The following EHMT1 variants were observed in gnomAD, a reference collection of about 807,000 sequenced individuals.
EHMT1 encodes histone-lysine N-methyltransferase EHMT1.
EHMT1 carries 15 observed loss-of-function variants against 147.2 expected under a neutral mutation model. The ratio of observed to expected loss-of-function variants is 0.10; its 90% CI spans 0.07 to 0.16. The LOEUF is 0.16. EHMT1 is among the 10% of genes least tolerant of loss of function. The probability of loss-of-function intolerance (pLI) is 1.00; values close to 1 mark genes in which losing one functional copy is unlikely to be tolerated. For missense variants in EHMT1, 1,587 were observed against 1,772.4 expected (o/e 0.90, Z 1.88); for synonymous variants, 795 against 709.6 (o/e 1.12, Z -1.91).
intron 2 of EHMT1, among the ~76,000 whole-genome samples, chr9:137,711,461 C>T (rs1010710399): frequency 5.9e-5 from 9 of 152,132 alleles, no homozygotes; most frequent in East Asian, 3.9e-4. Flanking sequence ...TGACTGACGC[C>T]GCGCCATGGA....
chr9:137,754,241 C>T lies in EHMT1; in HGVS notation c.1319C>T (p.Pro440Leu), dbSNP rs146814571. 6.8e-6 allele frequency: 11 copies of T among 1,613,980 alleles called. No individual in the cohort carries two copies. The highest frequency in any genetic ancestry group is 4.0e-5 in the African/African-American group (3 of 74,886). Residue 440 changes from proline (P) to leucine (L), a missense_variant, in exon 8 of 27, where the codon CCA becomes CTA. Transcript: ENST00000460843. ...AAGACCGACAGTCCCTGGATCAAGC[C>T]AGCCAGGAAAAGGAGGCGGAGAAGT... ...KGKTDSPWIKPARKRRRRSRK... is the reference protein window; with the variant it reads ...KGKTDSPWIKLARKRRRRSRK...
Position 137,754,770 on chromosome 9 carries a change from G to T in EHMT1, c.1369+479G>T, listed in dbSNP as rs191063018. On this transcript the variant is annotated intron_variant, in intron 8 of 26. Coordinates refer to ENST00000460843, the MANE Select transcript of EHMT1 (RefSeq NM_024757.5). ...GAGCTCAAGCGATCTGCCCGTTTTGGCCTCCCAAAGTGCTGGGATTACAGG... is the reference window on the plus strand; with the variant it reads ...GAGCTCAAGCGATCTGCCCGTTTTGTCCTCCCAAAGTGCTGGGATTACAGG... Among the ~76,000 whole-genome samples the T allele has an allele frequency of 4.6e-5, 7 of 152,296 alleles. No individual in the cohort carries two copies. In the East Asian group the frequency reaches 1.3e-3, roughly 29 times the overall value.
chr9:137,790,713 A>G, intron 15 of EHMT1, 135 bp from the exon 16 acceptor site: 1 of 1,223,090 alleles, frequency 8.2e-7, no homozygotes, highest in Non-Finnish European at 1.2e-6. Flanking sequence ...ATACGTGTTT[A>G]GAAAACTCAG....
intron 3 of EHMT1, among the ~76,000 whole-genome samples, chr9:137,722,905 C>T (rs1057468470): frequency 4.7e-5 from 7 of 149,778 alleles, no homozygotes; most frequent in Admixed American, 4.6e-4. Flanking sequence ...GTCTGTGGTT[C>T]TGGGCCTGAG....
chr9:137,654,057 T>C (rs12350209), intron 1 of EHMT1, among the ~76,000 whole-genome samples: 5,960 of 152,320 alleles, frequency 0.039, 400 homozygotes, highest in African/African-American at 0.13. Context: ...TCTCCTTTTA[T>C]TGAATAGTCT....
At chr9:137,739,024 C>T (rs961888514) in intron 4 of EHMT1, among the ~76,000 whole-genome samples, 1 of 150,950 alleles carries the variant, frequency 6.6e-6, no homozygotes, top group African/African-American at 2.4e-5. Context: ...GAACCGTGCA[C>T]TTAAAGATGA....
intron 1 of EHMT1, among the ~76,000 whole-genome samples, chr9:137,641,935 G>A (rs933381364): frequency 2.6e-5 from 4 of 151,992 alleles, no homozygotes; most frequent in African/African-American, 9.7e-5. Context: ...CAACTCCATG[G>A]TTCAAGCTGT....
chr9:137,675,942 C>A (rs1195547438), intron 1 of EHMT1, among the ~76,000 whole-genome samples: 3 of 151,080 alleles, frequency 2.0e-5, no homozygotes, highest in Non-Finnish European at 4.4e-5. Flanking sequence ...CGCCACTACG[C>A]CCGGCTAATT....
At chr9:137,669,194 A>C (rs1940104246) in intron 1 of EHMT1, among the ~76,000 whole-genome samples, 1 of 152,072 alleles carries the variant, frequency 6.6e-6, no homozygotes, top group Non-Finnish European at 1.5e-5. Flanking sequence ...GCCTAGAAGT[A>C]GGTTCTTGAT....
rs73578864 is a variant in EHMT1, at chr9:137,813,908, C to G, written c.3180+378C>G. Among the ~76,000 whole-genome samples the G allele has an allele frequency of 6.6e-6, 1 of 152,052 alleles. No homozygotes were observed. Among genetic ancestry groups the G allele is most frequent in the Non-Finnish European group, 1.5e-5 (1 of 68,016 alleles). On this transcript the variant is annotated intron_variant, in intron 21 of 26. Coordinates refer to ENST00000460843, the MANE Select transcript of EHMT1 (RefSeq NM_024757.5). This position sits in a 1 kb window ranked among gnomAD's most constrained non-coding sequence, Gnocchi z 4.9. ...CTGGATCCCTGCACCTCCCAGCCCC[C>G]GGAGAGATGGGTCCAGCACATGCCA...
intron 1 of EHMT1, among the ~76,000 whole-genome samples, chr9:137,658,351 A>C (rs940120636): frequency 6.6e-6 from 1 of 152,100 alleles, no homozygotes; most frequent in African/African-American, 2.4e-5. Flanking sequence ...GGGTTTCACC[A>C]TAGTGGCCTG....
intron 1 of EHMT1, among the ~76,000 whole-genome samples, chr9:137,683,218 C>T (rs185008987): frequency 6.6e-6 from 1 of 152,264 alleles, no homozygotes; most frequent in Non-Finnish European, 1.5e-5. Flanking sequence ...ATATATTACA[C>T]TTATTTGAAT....
intron 3 of EHMT1, among the ~76,000 whole-genome samples, chr9:137,724,321 C>CGCCCCCACAGGAGGAAA (rs1366466816): frequency 6.6e-6 from 1 of 152,172 alleles, no homozygotes; most frequent in East Asian, 1.9e-4. Context: ...AGGGGCCTCC[C>CGCCCCCACAGGAGGAAA]GCCCCCACAG....
intron 25 of EHMT1, among the ~76,000 whole-genome samples, chr9:137,829,238 A>T (rs1956032646): frequency 6.6e-6 from 1 of 152,238 alleles, no homozygotes; most frequent in Non-Finnish European, 1.5e-5. Flanking sequence ...ACTTAGTTAA[A>T]AAATAGAAGA....
At chr9:137,781,042 TGACGCCGAGAC>T (rs1951432864) in intron 14 of EHMT1, among the ~76,000 whole-genome samples, 5 of 111,424 alleles carry the variant, frequency 4.5e-5, no homozygotes, top group Admixed American at 8.9e-5. Context: ...CGTGTGGTGA[TGACGCCGAGAC>T]GTGTGGTGAT....
chr9:137,719,208 T>C (rs572956935), intron 3 of EHMT1, among the ~76,000 whole-genome samples: 1 of 152,322 alleles, frequency 6.6e-6, no homozygotes, highest in South Asian at 2.1e-4. Context: ...GACTTTTTTT[T>C]CCTCTCAGAT....
intron 15 of EHMT1, among the ~76,000 whole-genome samples, chr9:137,790,579 GTGT>G (rs1223921294): frequency 6.6e-6 from 1 of 152,144 alleles, no homozygotes; most frequent in African/African-American, 2.4e-5. Context: ...ATTTCTAAAG[GTGT>G]TGTCACACTC....
At chr9:137,647,174 G>A (rs189577488) in intron 1 of EHMT1, among the ~76,000 whole-genome samples, 27 of 152,194 alleles carry the variant, frequency 1.8e-4, no homozygotes, top group African/African-American at 4.3e-4. Flanking sequence ...AAATATTGAC[G>A]TGCCCGAAGT....
At position 137,775,277 on chromosome 9, in the gene EHMT1, T is replaced by C. The variant is rs745667470; in HGVS notation, c.1791+25T>C. 4.4e-6 allele frequency: 7 copies of C among 1,606,014 alleles called. No individual in the cohort carries two copies. In the East Asian group the frequency reaches 1.3e-4, roughly 31 times the overall value. On this transcript the variant is annotated intron_variant, in intron 11 of 26. Transcript: ENST00000460843. The surrounding 1 kb of genome is among the most constrained non-coding windows in gnomAD (Gnocchi z 6.1). The stretch of plus-strand genomic sequence containing the variant: ...GGTAAGAGCCCAGTCCGGCAGCCTC[T>C]GAGTCCTCCGCAGGCTTTGCTGTCT...
Sources: gnomAD v4.1 joint callset for allele counts (sites outside exome capture counted in the v4.1 genomes callset) on GRCh38, gnomAD v4.1.1 for gene constraint, Gnocchi (gnomAD v3.1) non-coding constraint, MANE v1.5 for transcripts, NCBI Gene and HGNC (gene_info 2026-07-23, HGNC 2026-07-21) for gene names.